Variants in OR6B3 observed in about 807,000 individuals in gnomAD.
The protein encoded by OR6B3 is olfactory receptor family 6 subfamily B member 3, also known as olfactory receptor 6B3.
For synonymous variants in OR6B3, 148 were observed against 187.8 expected, an observed-to-expected ratio of 0.79 and a Z score of 1.73; for missense variants, 315 against 427.4, an observed-to-expected ratio of 0.74 and a Z score of 2.32.
chr2:240,045,175 C>G, exon 2 of OR6B3: 1 of 1,614,044 alleles, frequency 6.2e-7, no homozygotes. Context: ...TTTTTCAAGG[C>G]ATTCTTAAAT....
upstream of OR6B3, among the ~76,000 whole-genome samples, chr2:240,050,319 G>A (rs1698239971): frequency 6.6e-6 from 1 of 152,224 alleles, no homozygotes. Context: ...ATTTGATCAA[G>A]TAAAATTTCA....
upstream of OR6B3, among the ~76,000 whole-genome samples, chr2:240,051,990 G>C (rs1032007286): frequency 6.6e-6 from 1 of 152,150 alleles, no homozygotes; most frequent in Non-Finnish European, 1.5e-5. Context: ...GTAACAATGT[G>C]CCATTGTACT....
At chr2:240,048,470 G>C (rs1444963040), upstream of OR6B3, among the ~76,000 whole-genome samples, 3 of 152,148 alleles carry the variant, frequency 2.0e-5, no homozygotes, top group Admixed American at 6.5e-5. Flanking sequence ...CTGGGTACGA[G>C]CCGGCTGCAG....
chr2:240,045,211 A>G (rs773362283), exon 2 of OR6B3: 4 of 1,614,096 alleles, frequency 2.5e-6, no homozygotes, highest in African/African-American at 1.3e-5. Context: ...CAGTATATCA[A>G]GGGGTTCAAG....
At chr2:240,047,533 G>A (rs1698209651), upstream of OR6B3, among the ~76,000 whole-genome samples, 1 of 152,194 alleles carries the variant, frequency 6.6e-6, no homozygotes, top group Non-Finnish European at 1.5e-5. Context: ...CTGTCCTGAG[G>A]GGCAGAGCAG....
chr2:240,051,722 T>C (rs1215142646), upstream of OR6B3, among the ~76,000 whole-genome samples: 1 of 152,234 alleles, frequency 6.6e-6, no homozygotes, highest in Non-Finnish European at 1.5e-5. Flanking sequence ...ATTTCAGCGG[T>C]GCAAAGAGAC....
the OR6B3 span, among the ~76,000 whole-genome samples, chr2:240,053,349 C>G: frequency 6.6e-6 from 1 of 152,228 alleles, no homozygotes. This position sits in a 1 kb window ranked among gnomAD's most constrained non-coding sequence, Gnocchi z 4.1. Context: ...TGAGGCAACA[C>G]CGTTCAAGGT....
At chr2:240,050,441 G>A (rs1001676983), upstream of OR6B3, among the ~76,000 whole-genome samples, 6 of 152,192 alleles carry the variant, frequency 3.9e-5, no homozygotes, top group African/African-American at 7.2e-5. Context: ...GGGGCCGGGC[G>A]CAGTGGCTCA....
upstream of OR6B3, among the ~76,000 whole-genome samples, chr2:240,049,640 G>A (rs1430504168): frequency 4.6e-5 from 7 of 152,078 alleles, no homozygotes; most frequent in South Asian, 2.1e-4. Context: ...AATGTTGTCC[G>A]GATAGCTACA....
chr2:240,048,888 C>T (rs183220092), upstream of OR6B3, among the ~76,000 whole-genome samples: 41 of 152,318 alleles, frequency 2.7e-4, no homozygotes, highest in East Asian at 7.3e-3. Context: ...GAAAGGCGGC[C>T]CAGAGCCAAG....
the OR6B3 span, among the ~76,000 whole-genome samples, chr2:240,052,449 C>T: frequency 6.6e-6 from 1 of 151,930 alleles, no homozygotes; most frequent in South Asian, 2.1e-4. This position sits in a 1 kb window ranked among gnomAD's most constrained non-coding sequence, Gnocchi z 4.5. Context: ...TAACGAGCAC[C>T]ACCATAAAGT....
At chr2:240,048,143 T>G (rs1698216438), upstream of OR6B3, among the ~76,000 whole-genome samples, 1 of 152,204 alleles carries the variant, frequency 6.6e-6, no homozygotes, top group Non-Finnish European at 1.5e-5. Context: ...CAGTATTCGT[T>G]CCATAAATGG....
chr2:240,050,678 C>T (rs1346060342), upstream of OR6B3, among the ~76,000 whole-genome samples: 2 of 145,266 alleles, frequency 1.4e-5, no homozygotes, highest in African/African-American at 5.1e-5. Context: ...GGCATCACTG[C>T]ACTCTAGCCT....
chr2:240,050,269 G>A (rs1698239469), upstream of OR6B3, among the ~76,000 whole-genome samples: 1 of 152,190 alleles, frequency 6.6e-6, no homozygotes, highest in Admixed American at 6.5e-5. Context: ...AGGCTCAGAT[G>A]TATAATCAAA....
At chr2:240,052,654 G>A in the OR6B3 span, among the ~76,000 whole-genome samples, 1 of 152,160 alleles carries the variant, frequency 6.6e-6, no homozygotes, top group South Asian at 2.1e-4. This position sits in a 1 kb window ranked among gnomAD's most constrained non-coding sequence, Gnocchi z 4.5. Flanking sequence ...CAGAGCCTGC[G>A]ATGCCTGCCG....
At chr2:240,048,929 C>T (rs1236846983), upstream of OR6B3, among the ~76,000 whole-genome samples, 1 of 152,160 alleles carries the variant, frequency 6.6e-6, no homozygotes, top group Non-Finnish European at 1.5e-5. Context: ...CCGTCCTGCC[C>T]ATGGGAGGGA....
At chr2:240,049,992 G>A (rs926663859), upstream of OR6B3, among the ~76,000 whole-genome samples, 1 of 151,650 alleles carries the variant, frequency 6.6e-6, no homozygotes, top group East Asian at 1.9e-4. Context: ...AAAGGATATA[G>A]ATCCTATAAA....
At chr2:240,051,058 T>C (rs975405782), upstream of OR6B3, among the ~76,000 whole-genome samples, 2 of 152,068 alleles carry the variant, frequency 1.3e-5, no homozygotes, top group Non-Finnish European at 2.9e-5. Context: ...GAAAAAATAA[T>C]AGAATTGATC....
chr2:240,046,496 G>C (rs1698191267), intron 1 of OR6B3, among the ~76,000 whole-genome samples: 1 of 152,164 alleles, frequency 6.6e-6, no homozygotes, highest in Non-Finnish European at 1.5e-5. Flanking sequence ...GTTTGAGTCT[G>C]ACGCATTCTT....
Sources: gnomAD v4.1 joint callset for allele counts (sites outside exome capture counted in the v4.1 genomes callset) on GRCh38, gnomAD v4.1.1 for gene constraint, Gnocchi (gnomAD v3.1) non-coding constraint, MANE v1.5 for transcripts, NCBI Gene and HGNC (gene_info 2026-07-23, HGNC 2026-07-21) for gene names.